MTMR12: variants seen among roughly 807,000 people sequenced by gnomAD.
MTMR12 encodes myotubularin-related protein 12.
In MTMR12, 33 loss-of-function variants were observed where a neutral mutation model predicts 96.7. The observed-to-expected ratio is 0.34, with a 90% confidence interval of 0.26 to 0.46. The LOEUF (loss-of-function observed/expected upper bound fraction) is 0.46. Among genes scored for constraint, MTMR12 ranks in the 20% least tolerant of loss-of-function variants. The probability of loss-of-function intolerance (pLI) is 1.00; values close to 1 mark genes in which losing one functional copy is unlikely to be tolerated. For missense variants in MTMR12, 721 were observed against 896.1 expected (o/e 0.80, Z 2.49); for synonymous variants, 298 against 327.2 (o/e 0.91, Z 0.96).
intron 6 of MTMR12, among the ~76,000 whole-genome samples, chr5:32,266,869 G>A (rs1749618718): frequency 6.6e-6 from 1 of 150,960 alleles, no homozygotes; most frequent in Non-Finnish European, 1.5e-5. Context: ...CACGAGATCA[G>A]GAGTTAGAGA....
At chr5:32,294,650 T>C (rs1750859909) in intron 1 of MTMR12, among the ~76,000 whole-genome samples, 1 of 152,186 alleles carries the variant, frequency 6.6e-6, no homozygotes, top group Non-Finnish European at 1.5e-5. Context: ...ACCTTGTCTG[T>C]CTTGCCAACC....
intron 7 of MTMR12, 78 bp from the exon 8 acceptor site, chr5:32,255,846 G>T: frequency 8.0e-7 from 1 of 1,245,004 alleles, no homozygotes; most frequent in South Asian, 1.4e-5. Context: ...CAATGGATAC[G>T]ATGAATACAA....
intron 8 of MTMR12, among the ~76,000 whole-genome samples, chr5:32,251,610 T>C (rs1303734846): frequency 6.6e-6 from 1 of 152,188 alleles, no homozygotes; most frequent in East Asian, 1.9e-4. Context: ...ACTCTTTAAA[T>C]ATACTTGGCA....
chr5:32,255,990 A>G (rs1749118039), intron 7 of MTMR12: 4 of 360,886 alleles, frequency 1.1e-5, no homozygotes, highest in South Asian at 4.6e-5. Flanking sequence ...CTCTGCCTGC[A>G]ATTCTGTACA....
intron 8 of MTMR12, among the ~76,000 whole-genome samples, chr5:32,251,524 T>C (rs575678953): frequency 6.6e-6 from 1 of 152,236 alleles, no homozygotes; most frequent in Non-Finnish European, 1.5e-5. Flanking sequence ...TAAGGACTTC[T>C]GGGAGGGAAA....
chr5:32,254,334 T>C (rs1401976723), intron 8 of MTMR12, among the ~76,000 whole-genome samples: 1 of 152,186 alleles, frequency 6.6e-6, no homozygotes, highest in Non-Finnish European at 1.5e-5. Context: ...GGTGGTAAAA[T>C]TGCTGGTGAC....
intron 11 of MTMR12, 152 bp downstream of exon 11, chr5:32,243,369 A>G (rs1748552309): frequency 8.2e-6 from 5 of 607,782 alleles, no homozygotes. Flanking sequence ...GTGCACAGAA[A>G]TAAGTAGCAA....
intron 1 of MTMR12, among the ~76,000 whole-genome samples, chr5:32,296,954 T>C (rs1003696528): frequency 2.6e-5 from 4 of 151,410 alleles, no homozygotes; most frequent in Non-Finnish European, 5.9e-5. Context: ...ATACAAAAAA[T>C]TAGCTGGGCG....
intron 15 of MTMR12, chr5:32,232,971 C>T (rs1748058729): frequency 1.0e-6 from 1 of 985,146 alleles, no homozygotes; most frequent in South Asian, 4.7e-5. Flanking sequence ...CATCACTGCT[C>T]TCTCCTTTGT....
At chr5:32,305,664 G>A (rs531155732) in intron 1 of MTMR12, among the ~76,000 whole-genome samples, 1 of 152,218 alleles carries the variant, frequency 6.6e-6, no homozygotes, top group South Asian at 2.1e-4. Context: ...AGCACTTTGG[G>A]AGGCCAAGGC....
At chr5:32,287,620 A>C (rs1382389540) in intron 1 of MTMR12, among the ~76,000 whole-genome samples, 1 of 152,208 alleles carries the variant, frequency 6.6e-6, no homozygotes, top group Middle Eastern at 3.2e-3. Flanking sequence ...GAGTGGTTCT[A>C]GAGGAACAGA....
At chr5:32,272,505 G>A (rs1749876672) in intron 3 of MTMR12, among the ~76,000 whole-genome samples, 1 of 151,680 alleles carries the variant, frequency 6.6e-6, no homozygotes, top group Non-Finnish European at 1.5e-5. Context: ...TCAGCCTCCT[G>A]AGTAGCTGGG....
intron 6 of MTMR12, among the ~76,000 whole-genome samples, chr5:32,266,760 T>TCACTAAACATCAG (rs1188251821): frequency 6.7e-6 from 1 of 149,736 alleles, no homozygotes; most frequent in African/African-American, 2.5e-5. Context: ...GGACTCAGGA[T>TCACTAAACATCAG]CACTAAACAT....
At chr5:32,304,637 C>T (rs1751282834) in intron 1 of MTMR12, among the ~76,000 whole-genome samples, 1 of 152,226 alleles carries the variant, frequency 6.6e-6, no homozygotes, top group Admixed American at 6.5e-5. Flanking sequence ...AGATCCAGAA[C>T]TTTAAACTTC....
Position 32,274,077 on chromosome 5 carries a change from T to C in MTMR12, c.188A>G (p.Gln63Arg), listed in dbSNP as rs1345339152. 6.2e-7 allele frequency: 1 copy of C among 1,614,228 alleles called. No homozygotes were observed. Among genetic ancestry groups the C allele is most frequent in the Non-Finnish European group, 8.5e-7 (1 of 1,180,032 alleles). Residue 63 changes from glutamine to arginine, a missense_variant, in exon 3 of 16, where the codon CAG (glutamine) becomes CGG (arginine). By Grantham distance (43) the Gln-to-Arg change is conservative (BLOSUM62 1). Transcript: ENST00000382142. Reference sequence around the variant, plus strand: ...GACCCCATGCTGACAGGAATCTTCCTGGACATACTTCAGTACTGTGCTGGC... The same window carrying C: ...GACCCCATGCTGACAGGAATCTTCCCGGACATACTTCAGTACTGTGCTGGC... ...CEASTVLKYV[Q>R]EDSCQHGVYG... is the part of the protein sequence containing the mutation.
intron 1 of MTMR12, 131 bp from the exon 2 acceptor site, chr5:32,276,873 C>CTTTTTTTTTTTTT (rs779455702): frequency 8.8e-6 from 1 of 113,162 alleles, no homozygotes; most frequent in African/African-American, 6.4e-5. Flanking sequence ...TTACAAGCTA[C>CTTTTTTTTTTTTT]TTTTTTTTTT....
At chr5:32,292,766 A>C (rs1340736991) in intron 1 of MTMR12, among the ~76,000 whole-genome samples, 2 of 148,612 alleles carry the variant, frequency 1.3e-5, no homozygotes, top group Non-Finnish European at 3.0e-5. Context: ...AGGGAAAAAA[A>C]ACCACGACCT....
At chr5:32,292,478 C>T (rs1046858128) in intron 1 of MTMR12, among the ~76,000 whole-genome samples, 9 of 152,174 alleles carry the variant, frequency 5.9e-5, no homozygotes, top group East Asian at 5.8e-4. Flanking sequence ...GATTGCTACC[C>T]GGACACTTTG....
intron 5 of MTMR12, among the ~76,000 whole-genome samples, chr5:32,269,005 C>A (rs1237521692): frequency 6.6e-6 from 1 of 151,394 alleles, no homozygotes; most frequent in Non-Finnish European, 1.5e-5. Flanking sequence ...GGTTTTCTTT[C>A]TTTTTTAAAA....
Sources: allele counts gnomAD v4.1 joint callset (sites outside exome capture counted in the v4.1 genomes callset), GRCh38; gene constraint gnomAD v4.1.1; transcripts MANE v1.5; gene names NCBI Gene and HGNC (gene_info 2026-07-23, HGNC 2026-07-21).